The following DIAPH2 variants were observed in gnomAD, a reference collection of about 807,000 sequenced individuals.
The protein encoded by DIAPH2 is protein diaphanous homolog 2.
DIAPH2 carries 35 observed loss-of-function variants against 92.7 expected under a neutral mutation model. That is an observed-to-expected ratio of 0.38 (90% confidence interval 0.29 to 0.50). The LOEUF is 0.50. DIAPH2 is among the 20% of genes least tolerant of loss of function. The pLI is 0.94. For missense variants in DIAPH2, 701 were observed against 819.5 expected (o/e 0.86, Z 1.77); for synonymous variants, 301 against 280.4 (o/e 1.07, Z -0.73).
intron 20 of DIAPH2, among the ~76,000 whole-genome samples, chrX:97,112,051 A>G (rs1177661290): frequency 1.8e-5 from 2 of 112,019 alleles, no homozygotes; most frequent in South Asian, 3.7e-4. Context: ...TGTAATTTCA[A>G]TTGGAGCTGA....
intron 25 of DIAPH2, among the ~76,000 whole-genome samples, chrX:97,400,993 A>G (rs1218524514): frequency 5.7e-5 from 6 of 105,382 alleles, no homozygotes; most frequent in Admixed American, 5.2e-4. Flanking sequence ...CAGCCTCCCC[A>G]CTAGCTAGGA....
At chrX:97,219,768 G>T (rs770631432) in intron 22 of DIAPH2, among the ~76,000 whole-genome samples, 55 of 111,812 alleles carry the variant, frequency 4.9e-4, no homozygotes, top group African/African-American at 1.7e-3. Context: ...CATAGTTGTA[G>T]CTTTATTGTT....
intron 26 of DIAPH2, among the ~76,000 whole-genome samples, chrX:97,583,817 A>G (rs1426807494): frequency 1.8e-5 from 2 of 111,387 alleles, no homozygotes; most frequent in East Asian, 5.7e-4. Flanking sequence ...TGTGCTAGCA[A>G]TCAGCGAGAC....
At chrX:97,063,573 T>A (rs1326514322) in intron 17 of DIAPH2, among the ~76,000 whole-genome samples, 2 of 111,963 alleles carry the variant, frequency 1.8e-5, no homozygotes, top group African/African-American at 6.5e-5. Flanking sequence ...ACAGTTACAG[T>A]TTTTGATGAG....
At chrX:96,817,871 G>A (rs2064747905) in intron 4 of DIAPH2, among the ~76,000 whole-genome samples, 1 of 109,072 alleles carries the variant, frequency 9.2e-6, no homozygotes, top group African/African-American at 3.4e-5. Context: ...CAGGCATTTA[G>A]CATTTTTGTA....
chrX:97,572,663 T>C (rs553389245), intron 26 of DIAPH2, among the ~76,000 whole-genome samples: 7 of 112,418 alleles, frequency 6.2e-5, no homozygotes, highest in African/African-American at 2.3e-4. Flanking sequence ...TTTCTGACTT[T>C]TCTTTTTCTT....
chrX:96,708,392 C>T (rs1419254073), intron 1 of DIAPH2, among the ~76,000 whole-genome samples: 7 of 110,009 alleles, frequency 6.4e-5, no homozygotes, highest in Admixed American at 3.9e-4. Context: ...CAGGCGCCTG[C>T]CACCGCGCCT....
intron 22 of DIAPH2, among the ~76,000 whole-genome samples, chrX:97,184,379 A>T (rs1490227033): frequency 8.9e-6 from 1 of 112,202 alleles, no homozygotes; most frequent in Non-Finnish European, 1.9e-5. Flanking sequence ...GTACGTGTAG[A>T]TACATATACA....
intron 1 of DIAPH2, among the ~76,000 whole-genome samples, chrX:96,710,664 C>T (rs2063912159): frequency 9.0e-6 from 1 of 111,334 alleles, no homozygotes; most frequent in Non-Finnish European, 1.9e-5. Context: ...CACCCCCCTC[C>T]ACTCCCACCA....
intron 19 of DIAPH2, among the ~76,000 whole-genome samples, chrX:97,082,528 A>T (rs1478400435): frequency 9.1e-6 from 1 of 110,026 alleles, no homozygotes; most frequent in Non-Finnish European, 1.9e-5. Context: ...GCTACTCGGG[A>T]GGCTGAGGCA....
intron 23 of DIAPH2, among the ~76,000 whole-genome samples, chrX:97,311,937 C>G (rs1174979904): frequency 9.0e-6 from 1 of 110,549 alleles, no homozygotes; most frequent in Non-Finnish European, 1.9e-5. Flanking sequence ...ATACCATTCT[C>G]CTGCCTCAGC....
Position 97,389,021 on chromosome X carries a change from G to A in DIAPH2, c.3145+4977G>A, listed in dbSNP as rs1191013126. Among the ~76,000 whole-genome samples the A allele has an allele frequency of 3.6e-5, 4 of 111,350 alleles. No homozygotes were observed. In the Admixed American group the frequency reaches 3.8e-4, roughly 11 times the overall value. The stretch of plus-strand genomic sequence containing the variant: ...AAAACTTCACGATACACTCAGGAAA[G>A]AATGAGAAATAGAAAGGCAAAAAAG... On this transcript the variant is annotated intron_variant, in intron 25 of 26. Coordinates refer to ENST00000324765, the MANE Select transcript of DIAPH2 (RefSeq NM_006729.5).
chrX:97,450,012 A>C (rs2070345972), intron 26 of DIAPH2, among the ~76,000 whole-genome samples: 1 of 110,205 alleles, frequency 9.1e-6, no homozygotes, highest in Non-Finnish European at 1.9e-5. Flanking sequence ...TATTGTGTGA[A>C]TATCAGTTCA....
At chrX:96,779,168 A>C (rs1369640634) in intron 4 of DIAPH2, among the ~76,000 whole-genome samples, 2 of 111,917 alleles carry the variant, frequency 1.8e-5, no homozygotes, top group African/African-American at 6.5e-5. Context: ...TGTAAAGTAG[A>C]ACTTTCCCTT....
intron 23 of DIAPH2, among the ~76,000 whole-genome samples, chrX:97,257,909 C>T (rs1048560095): frequency 5.6e-5 from 6 of 106,210 alleles, no homozygotes; most frequent in Admixed American, 3.0e-4. Context: ...TCCCCTAAAC[C>T]GCACAAATAG....
At chrX:96,749,064 A>G (rs995048078) in intron 3 of DIAPH2, among the ~76,000 whole-genome samples, 4 of 105,909 alleles carry the variant, frequency 3.8e-5, no homozygotes, top group Admixed American at 1.0e-4. Flanking sequence ...CAATTTACAG[A>G]AAAAGTTTGC....
At chrX:97,051,432 A>C (rs2066519297) in intron 17 of DIAPH2, among the ~76,000 whole-genome samples, 1 of 109,227 alleles carries the variant, frequency 9.2e-6, no homozygotes. Context: ...AGAGATGCAG[A>C]TATCTATTCT....
At chrX:96,885,166 CT>C (rs34989154) in intron 5 of DIAPH2, 1 of 951,602 alleles carries the variant, frequency 1.1e-6, no homozygotes, top group Non-Finnish European at 1.4e-6. Flanking sequence ...GACCTGTTGA[CT>C]TTTTAGGAAG....
At chrX:97,120,337 C>T (rs760030350) in intron 21 of DIAPH2, among the ~76,000 whole-genome samples, 1 of 110,764 alleles carries the variant, frequency 9.0e-6, no homozygotes, top group African/African-American at 3.3e-5. Flanking sequence ...GGTGTGTGTT[C>T]GGTGGTGGAG....
Sources: allele counts gnomAD v4.1 joint callset (sites outside exome capture counted in the v4.1 genomes callset), GRCh38; gene constraint gnomAD v4.1.1; transcripts MANE v1.5; gene names NCBI Gene and HGNC (gene_info 2026-07-23, HGNC 2026-07-21).